The following IGF2BP3 variants were observed in gnomAD, a reference collection of about 807,000 sequenced individuals.
IGF2BP3 encodes insulin like growth factor 2 mRNA binding protein 3.
IGF2BP3 carries 9 observed loss-of-function variants against 73.8 expected under a neutral mutation model. The ratio of observed to expected loss-of-function variants is 0.12; its 90% CI spans 0.07 to 0.21. The LOEUF (loss-of-function observed/expected upper bound fraction) is 0.21. Among genes scored for constraint, IGF2BP3 ranks in the 10% least tolerant of loss-of-function variants. IGF2BP3 has a pLI of 1.00. For missense variants in IGF2BP3, 542 were observed against 714.0 expected (o/e 0.76, Z 2.75); for synonymous variants, 258 against 256.7 (o/e 1.01, Z -0.05).
At chr7:23,431,642 A>G (rs1439414667) in intron 2 of IGF2BP3, among the ~76,000 whole-genome samples, 1 of 152,168 alleles carries the variant, frequency 6.6e-6, no homozygotes, top group Admixed American at 6.5e-5. Context: ...GAAGGGGGAA[A>G]AAAAAAAGAT....
At chr7:23,394,411 G>C (rs538149189) in intron 3 of IGF2BP3, among the ~76,000 whole-genome samples, 1 of 152,146 alleles carries the variant, frequency 6.6e-6, no homozygotes. Context: ...AGGCTGCAGT[G>C]AGCTATGATC....
chr7:23,418,345 C>T (rs556065082), intron 3 of IGF2BP3, among the ~76,000 whole-genome samples: 44 of 152,284 alleles, frequency 2.9e-4, no homozygotes, highest in African/African-American at 9.9e-4. Flanking sequence ...ATGCATATTA[C>T]ACAATCAGTG....
chr7:23,319,043 C>A, intron 11 of IGF2BP3, 95 bp downstream of exon 11: 1 of 841,278 alleles, frequency 1.2e-6, no homozygotes, highest in Non-Finnish European at 1.9e-6. Flanking sequence ...CTAACAGTGT[C>A]TTTTACATTC....
intron 2 of IGF2BP3, among the ~76,000 whole-genome samples, chr7:23,445,641 G>C (rs1015414423): frequency 2.0e-5 from 3 of 152,246 alleles, no homozygotes; most frequent in African/African-American, 7.2e-5. Flanking sequence ...GAACACTGAA[G>C]AAGCGTGTAA....
intron 3 of IGF2BP3, among the ~76,000 whole-genome samples, chr7:23,373,484 C>T (rs1203080400): frequency 2.0e-5 from 3 of 151,858 alleles, no homozygotes; most frequent in African/African-American, 7.3e-5. Flanking sequence ...ATTAGAATGG[C>T]CATAATTTTT....
At chr7:23,417,507 G>T (rs1184454287) in intron 3 of IGF2BP3, among the ~76,000 whole-genome samples, 1 of 152,132 alleles carries the variant, frequency 6.6e-6, no homozygotes, top group Non-Finnish European at 1.5e-5. Flanking sequence ...GATTATGAAT[G>T]AATTAAAAGG....
chr7:23,373,428 T>C (rs190146184), intron 3 of IGF2BP3, among the ~76,000 whole-genome samples: 2 of 152,206 alleles, frequency 1.3e-5, no homozygotes, highest in East Asian at 1.9e-4. Context: ...CATTAGTCAT[T>C]AGGGAAATGT....
At chr7:23,384,995 T>TA (rs1786037673) in intron 3 of IGF2BP3, among the ~76,000 whole-genome samples, 1 of 152,238 alleles carries the variant, frequency 6.6e-6, no homozygotes, top group African/African-American at 2.4e-5. Context: ...ATCAGGACCA[T>TA]AACCCCATTA....
At chr7:23,443,826 G>A (rs373924064) in intron 2 of IGF2BP3, among the ~76,000 whole-genome samples, 6 of 151,746 alleles carry the variant, frequency 4.0e-5, no homozygotes, top group Non-Finnish European at 7.4e-5. Flanking sequence ...TGGCTAACAC[G>A]GTGAAACCCC....
At chr7:23,453,749 G>A (rs1788253319) in intron 2 of IGF2BP3, among the ~76,000 whole-genome samples, 1 of 152,190 alleles carries the variant, frequency 6.6e-6, no homozygotes, top group South Asian at 2.1e-4. Context: ...ACCAGATACG[G>A]CCAATCTTAT....
At chr7:23,446,840 A>G (rs1353561072) in intron 2 of IGF2BP3, among the ~76,000 whole-genome samples, 1 of 152,182 alleles carries the variant, frequency 6.6e-6, no homozygotes, top group Non-Finnish European at 1.5e-5. Context: ...ACAAAAATCA[A>G]CAAACACCAT....
intron 10 of IGF2BP3, among the ~76,000 whole-genome samples, chr7:23,337,029 G>A (rs544477114): frequency 6.6e-6 from 1 of 151,996 alleles, no homozygotes; most frequent in East Asian, 1.9e-4. Context: ...AAAAACAATA[G>A]TTTATTTGTA....
rs559238187 is a variant in IGF2BP3, at chr7:23,348,133, C to T, written c.684-399G>A. Among the ~76,000 whole-genome samples, 20 of 152,294 alleles carry T rather than the reference C, an allele frequency of 1.3e-4. No homozygotes were observed. The South Asian group carries it at 4.2e-3, about 32-fold the overall frequency. ...CATAAGCCAAGTTGAACTGCTTATT[C>T]TGCACAGTATATCATTCTTCATTCA... On this transcript the variant is annotated intron_variant, in intron 6 of 14. Transcript: ENST00000258729.
intron 3 of IGF2BP3, among the ~76,000 whole-genome samples, chr7:23,364,494 G>A (rs1043353211): frequency 2.1e-5 from 3 of 141,518 alleles, no homozygotes; most frequent in Non-Finnish European, 3.0e-5. Context: ...ATTGCAGTGA[G>A]CTGAGAGCAC....
At chr7:23,393,163 C>T (rs756928538) in intron 3 of IGF2BP3, among the ~76,000 whole-genome samples, 15 of 152,122 alleles carry the variant, frequency 9.9e-5, no homozygotes, top group Admixed American at 9.8e-4. Context: ...AGTGGCCTTC[C>T]AGAAGGACCC....
intron 10 of IGF2BP3, among the ~76,000 whole-genome samples, chr7:23,331,069 G>A (rs922191965): frequency 1.9e-4 from 29 of 152,222 alleles, no homozygotes; most frequent in Admixed American, 1.1e-3. Flanking sequence ...AAAGTGTTGG[G>A]ATTACAGGCA....
chr7:23,342,636 A>G (rs753258495), intron 9 of IGF2BP3, among the ~76,000 whole-genome samples: 5 of 152,226 alleles, frequency 3.3e-5, no homozygotes, highest in Non-Finnish European at 4.4e-5. Flanking sequence ...ATGGGTCTAG[A>G]GGCCTCAAAG....
intron 3 of IGF2BP3, among the ~76,000 whole-genome samples, chr7:23,392,513 T>C (rs1363764945): frequency 6.6e-6 from 1 of 150,580 alleles, no homozygotes; most frequent in Non-Finnish European, 1.5e-5. Flanking sequence ...TGCACATATA[T>C]ATACACACAC....
intron 2 of IGF2BP3, among the ~76,000 whole-genome samples, chr7:23,445,041 G>A (rs1260248200): frequency 2.6e-5 from 4 of 152,190 alleles, no homozygotes; most frequent in Non-Finnish European, 4.4e-5. Flanking sequence ...CTGGGCGGCA[G>A]AGTGAGACCC....
Sources: allele counts gnomAD v4.1 joint callset (sites outside exome capture counted in the v4.1 genomes callset), GRCh38; gene constraint gnomAD v4.1.1; transcripts MANE v1.5; gene names NCBI Gene and HGNC (gene_info 2026-07-23, HGNC 2026-07-21).